The following USP17L26 variants were observed in gnomAD, a reference collection of about 807,000 sequenced individuals.
USP17L26 encodes ubiquitin specific peptidase 17 like family member 26.
Position 9,334,961 on chromosome 4 carries a change from C to A in USP17L26, c.304C>A (p.Pro102Thr), listed in dbSNP as rs1240348386. 1 of 5,980 alleles carries A rather than the reference C, an allele frequency of 1.7e-4. No individual in the cohort carries two copies. The highest frequency in any genetic ancestry group is 2.3e-4 in the Non-Finnish European group (1 of 4,386). 0.4% of individuals were successfully genotyped at this position (5,980 alleles called of 1,614,324 possible). Residue 102 changes from proline to threonine, a missense_variant, in exon 1 of 1, where the codon CCG becomes ACG. Physicochemically the swap from Pro to Thr is conservative, Grantham distance 38. Transcript: ENST00000509660. ...NASLQCLTYT[P>T]PLANYMLSRE... ...TTCCTTGCAGTGCCTGACATACACA[C>A]CGCCCCTTGCCAACTACATGCTGTC...
Sources: gnomAD v4.1 joint callset for allele counts on GRCh38, gnomAD v4.1.1 for gene constraint, MANE v1.5 for transcripts, NCBI Gene and HGNC (gene_info 2026-07-23, HGNC 2026-07-21) for gene names.